The following ERBB4 variants were observed in gnomAD, a reference collection of about 807,000 sequenced individuals.
The protein encoded by ERBB4 is receptor tyrosine-protein kinase erbB-4.
ERBB4 carries 42 observed loss-of-function variants against 158.0 expected under a neutral mutation model. The observed-to-expected ratio is 0.27, with a 90% CI of 0.21 to 0.34. The LOEUF (loss-of-function observed/expected upper bound fraction) is 0.34. Among genes scored for constraint, ERBB4 ranks in the 10% least tolerant of loss-of-function variants. The pLI, the probability that ERBB4 is intolerant of heterozygous loss-of-function variation, is 1.00. For synonymous variants in ERBB4, 583 were observed against 558.7 expected, an observed-to-expected ratio of 1.04 and a Z score of -0.61; for missense variants, 1,333 against 1,624.1, an observed-to-expected ratio of 0.82 and a Z score of 3.08.
At chr2:212,537,150 C>CAGG (rs1693124926) in intron 1 of ERBB4, among the ~76,000 whole-genome samples, 5 of 151,094 alleles carry the variant, frequency 3.3e-5, no homozygotes, top group African/African-American at 1.2e-4. Flanking sequence ...GCGGCGGCGG[C>CAGG]GGCGGAGCGG....
chr2:211,683,645 T>C (rs1342858586), intron 12 of ERBB4, among the ~76,000 whole-genome samples: 1 of 152,108 alleles, frequency 6.6e-6, no homozygotes, highest in Non-Finnish European at 1.5e-5. Flanking sequence ...TATAAACATT[T>C]GTGTATATGA....
At chr2:212,064,393 C>G (rs1311578940) in intron 2 of ERBB4, among the ~76,000 whole-genome samples, 1 of 151,994 alleles carries the variant, frequency 6.6e-6, no homozygotes, top group African/African-American at 2.4e-5. Context: ...TTACAATAGG[C>G]AACACATCAG....
Position 211,876,281 on chromosome 2 carries a change from T to C in ERBB4, c.421+71149A>G, listed in dbSNP as rs143607693. Among the ~76,000 whole-genome samples, 84 of 152,248 alleles carry C rather than the reference T, an allele frequency of 5.5e-4. No individual in the cohort carries two copies. In the East Asian group the frequency reaches 0.016, roughly 29 times the overall value. ...CGTCAGTAGGTATTTTGGATTTATG[T>C]GTCAAAGAGACTCTTAATTTTACTC... On this transcript the variant is annotated intron_variant, in intron 3 of 27. Transcript: ENST00000342788.
At chr2:211,867,326 A>G (rs924932360) in intron 3 of ERBB4, among the ~76,000 whole-genome samples, 3 of 152,226 alleles carry the variant, frequency 2.0e-5, no homozygotes, top group Non-Finnish European at 2.9e-5. Context: ...CTCCGGTGAA[A>G]TCATCTTATA....
intron 1 of ERBB4, among the ~76,000 whole-genome samples, chr2:212,307,381 A>AG (rs1157766297): frequency 1.3e-5 from 2 of 150,852 alleles, no homozygotes; most frequent in African/African-American, 4.9e-5. Flanking sequence ...GCAAAAAAAA[A>AG]AGAGGAAATT....
At chr2:211,488,016 G>GA (rs1223005283) in intron 20 of ERBB4, among the ~76,000 whole-genome samples, 8 of 151,058 alleles carry the variant, frequency 5.3e-5, no homozygotes, top group African/African-American at 1.5e-4. Context: ...TGCTTCTCTG[G>GA]AAAAAAAATT....
chr2:212,473,754 T>A (rs1574986192), intron 1 of ERBB4, among the ~76,000 whole-genome samples: 1 of 152,082 alleles, frequency 6.6e-6, no homozygotes, highest in Non-Finnish European at 1.5e-5. Flanking sequence ...ATTGGAATCT[T>A]CATTTATTTC....
chr2:211,772,924 C>CACACACACACACATATAT (rs1181682464), intron 4 of ERBB4, among the ~76,000 whole-genome samples: 29 of 36,722 alleles, frequency 7.9e-4, no homozygotes, highest in African/African-American at 4.3e-3. Flanking sequence ...CACACACACA[C>CACACACACACACATATAT]ATATATATAT....
At chr2:211,982,880 A>G (rs16847416) in intron 2 of ERBB4, among the ~76,000 whole-genome samples, 6,130 of 152,344 alleles carry the variant, frequency 0.04, 411 homozygotes, top group East Asian at 0.27. Context: ...GTTTTTTATC[A>G]TTAAAATTTC....
intron 20 of ERBB4, among the ~76,000 whole-genome samples, chr2:211,512,539 A>AATTAATTAAATTTGAATTAATT (rs1388353830): frequency 2.0e-5 from 3 of 152,084 alleles, no homozygotes; most frequent in Admixed American, 1.3e-4. Flanking sequence ...CAAGTGAACA[A>AATTAATTAAATTTGAATTAATT]ACACAATGAA....
At chr2:212,330,213 T>C (rs1205903831) in intron 1 of ERBB4, among the ~76,000 whole-genome samples, 1 of 88,146 alleles carries the variant, frequency 1.1e-5, no homozygotes, top group East Asian at 3.1e-4. Flanking sequence ...GGTTGTGCTG[T>C]ATCTGTGTTT....
chr2:211,756,851 G>T (rs1285966630), intron 4 of ERBB4, among the ~76,000 whole-genome samples: 1 of 152,146 alleles, frequency 6.6e-6, no homozygotes, highest in East Asian at 1.9e-4. Context: ...CAGATGCTTG[G>T]TAACCAAACT....
At chr2:212,475,304 GA>G (rs1689330712) in intron 1 of ERBB4, among the ~76,000 whole-genome samples, 1 of 152,082 alleles carries the variant, frequency 6.6e-6, no homozygotes, top group African/African-American at 2.4e-5. Context: ...TTCTTAACAA[GA>G]AGCTCTGCAT....
intron 1 of ERBB4, among the ~76,000 whole-genome samples, chr2:212,147,875 A>C (rs970231090): frequency 6.6e-6 from 1 of 152,074 alleles, no homozygotes; most frequent in Admixed American, 6.6e-5. Flanking sequence ...GGGAGTTGGA[A>C]TCCTTATTTT....
At chr2:211,926,762 C>A (rs897601213) in intron 3 of ERBB4, among the ~76,000 whole-genome samples, 2 of 152,120 alleles carry the variant, frequency 1.3e-5, no homozygotes, top group Non-Finnish European at 2.9e-5. Flanking sequence ...GCCCAGATAA[C>A]TTTATGCCTT....
intron 1 of ERBB4, among the ~76,000 whole-genome samples, chr2:212,468,378 G>A (rs891206574): frequency 2.0e-5 from 3 of 152,082 alleles, no homozygotes; most frequent in South Asian, 2.1e-4. Flanking sequence ...GGAGGGACCC[G>A]GTGGAAGATG....
At chr2:211,515,135 G>C (rs1057313553) in intron 20 of ERBB4, among the ~76,000 whole-genome samples, 2 of 152,068 alleles carry the variant, frequency 1.3e-5, no homozygotes, top group Admixed American at 1.3e-4. Context: ...AGCAATTCTT[G>C]ACAAAGACAA....
chr2:211,721,737 T>C (rs922940545), intron 7 of ERBB4, among the ~76,000 whole-genome samples: 12 of 151,570 alleles, frequency 7.9e-5, no homozygotes, highest in African/African-American at 2.4e-4. Context: ...TAGGTAAAAA[T>C]CCATTGTTAT....
intron 1 of ERBB4, among the ~76,000 whole-genome samples, chr2:212,378,225 T>C (rs534277936): frequency 2.2e-4 from 33 of 151,150 alleles, no homozygotes; most frequent in African/African-American, 8.0e-4. Context: ...ATTATGCACC[T>C]CTCTCTCTCT....
Sources: gnomAD v4.1 joint callset for allele counts (sites outside exome capture counted in the v4.1 genomes callset) on GRCh38, gnomAD v4.1.1 for gene constraint, MANE v1.5 for transcripts, NCBI Gene and HGNC (gene_info 2026-07-23, HGNC 2026-07-21) for gene names.